The following TMEM135 variants were observed in gnomAD, a reference collection of about 807,000 sequenced individuals.
The protein encoded by TMEM135 is transmembrane protein 135.
Under a neutral mutation model 60.3 loss-of-function variants are expected in TMEM135, and 30 were observed. That is an observed-to-expected ratio of 0.50 (90% confidence interval 0.37 to 0.68). TMEM135 has a LOEUF of 0.68. Among genes scored for constraint, TMEM135 ranks in the 30% least tolerant of loss-of-function variants. The pLI is 0.00. For missense variants in TMEM135, 468 were observed against 548.8 expected (o/e 0.85, Z 1.47); for synonymous variants, 190 against 186.7 (o/e 1.02, Z -0.14).
At chr11:87,084,319 T>G (rs1046224506) in intron 3 of TMEM135, among the ~76,000 whole-genome samples, 15 of 152,280 alleles carry the variant, frequency 9.9e-5, no homozygotes, top group African/African-American at 3.4e-4. Flanking sequence ...GGTTCTTTTT[T>G]TTTTTTTGAG....
At chr11:87,041,884 C>A (rs1371030779) in intron 1 of TMEM135, among the ~76,000 whole-genome samples, 2 of 152,178 alleles carry the variant, frequency 1.3e-5, no homozygotes, top group African/African-American at 4.8e-5. Flanking sequence ...GATATTGGGG[C>A]AGTATGAGGA....
intron 4 of TMEM135, among the ~76,000 whole-genome samples, chr11:87,144,140 T>TA (rs5793241): frequency 6.6e-5 from 10 of 151,804 alleles, no homozygotes; most frequent in Non-Finnish European, 1.2e-4. Context: ...TAGTATAAAA[T>TA]AAAAAAAACT....
intron 5 of TMEM135, among the ~76,000 whole-genome samples, chr11:87,222,789 G>T (rs981866968): frequency 1.3e-5 from 2 of 151,240 alleles, no homozygotes; most frequent in African/African-American, 2.4e-5. Flanking sequence ...TGGGCAATAA[G>T]AGCGAAACTG....
At chr11:87,277,218 A>G in intron 6 of TMEM135, 2 of 335,930 alleles carry the variant, frequency 6.0e-6, no homozygotes, top group Non-Finnish European at 1.2e-5. Flanking sequence ...TACAACCTGC[A>G]CCTCCCGGGT....
intron 5 of TMEM135, among the ~76,000 whole-genome samples, chr11:87,221,524 G>C (rs1282181240): frequency 6.6e-6 from 1 of 152,170 alleles, no homozygotes; most frequent in African/African-American, 2.4e-5. Flanking sequence ...CCTGTAGACA[G>C]ACACTGATTG....
chr11:87,051,032 T>A (rs1283005056), intron 1 of TMEM135, among the ~76,000 whole-genome samples: 2 of 95,622 alleles, frequency 2.1e-5, no homozygotes. Context: ...AATAAATGTA[T>A]TCCAGCATAT....
At chr11:87,200,785 G>A (rs144680330) in intron 5 of TMEM135, among the ~76,000 whole-genome samples, 176 of 152,146 alleles carry the variant, frequency 1.2e-3, no homozygotes, top group African/African-American at 4.0e-3. Flanking sequence ...CCTTCCCTCT[G>A]CCCAAACCCC....
At chr11:87,114,595 A>G (rs1016352643) in intron 4 of TMEM135, among the ~76,000 whole-genome samples, 1 of 152,204 alleles carries the variant, frequency 6.6e-6, no homozygotes, top group African/African-American at 2.4e-5. Flanking sequence ...CTGATGTTCA[A>G]TTATATGAAT....
At chr11:87,291,279 C>T (rs532979727) in intron 6 of TMEM135, among the ~76,000 whole-genome samples, 1 of 152,182 alleles carries the variant, frequency 6.6e-6, no homozygotes, top group East Asian at 1.9e-4. Flanking sequence ...CTTAGTATTC[C>T]CTACTTTAAT....
chr11:87,145,045 CAAAAG>C (rs1318907985), intron 4 of TMEM135, among the ~76,000 whole-genome samples: 7 of 151,992 alleles, frequency 4.6e-5, no homozygotes. Context: ...CAATAGTACT[CAAAAG>C]AAGAAAAATA....
intron 4 of TMEM135, among the ~76,000 whole-genome samples, chr11:87,138,424 A>T (rs1462807019): frequency 1.3e-5 from 2 of 152,152 alleles, no homozygotes; most frequent in Non-Finnish European, 2.9e-5. Flanking sequence ...AAAGCTAATG[A>T]ATTATTTTTT....
At chr11:87,150,215 C>CA (rs200067307) in intron 4 of TMEM135, among the ~76,000 whole-genome samples, 10,895 of 109,458 alleles carry the variant, frequency 0.1, 560 homozygotes, top group East Asian at 0.17. Flanking sequence ...AACTCTGTCT[C>CA]AAAAAAAAAA....
chr11:87,056,295 C>A (rs991407509), intron 1 of TMEM135, among the ~76,000 whole-genome samples: 23 of 152,308 alleles, frequency 1.5e-4, no homozygotes, highest in Middle Eastern at 6.8e-3. Context: ...CAGCAGGTCT[C>A]AGCCTCATTT....
At chr11:87,208,502 A>C (rs1282209821) in intron 5 of TMEM135, among the ~76,000 whole-genome samples, 1 of 149,738 alleles carries the variant, frequency 6.7e-6, no homozygotes, top group African/African-American at 2.4e-5. Flanking sequence ...GCACGCATGC[A>C]GATAAAAATA....
chr11:87,219,591 C>G (rs1940574805), intron 5 of TMEM135, among the ~76,000 whole-genome samples: 1 of 152,118 alleles, frequency 6.6e-6, no homozygotes, highest in East Asian at 1.9e-4. Flanking sequence ...AGACACCAAT[C>G]TTACTGGATT....
chr11:87,252,181 G>A (rs1239256324), intron 6 of TMEM135, among the ~76,000 whole-genome samples: 1 of 152,038 alleles, frequency 6.6e-6, no homozygotes, highest in African/African-American at 2.4e-5. Flanking sequence ...ACTAGACTCT[G>A]GGAAAGTTTA....
At chr11:87,089,907 T>C (rs1429923229) in intron 3 of TMEM135, among the ~76,000 whole-genome samples, 1 of 152,180 alleles carries the variant, frequency 6.6e-6, no homozygotes, top group African/African-American at 2.4e-5. Flanking sequence ...TTACAAGTGA[T>C]TTTATTATTA....
At chr11:87,131,775 C>T (rs535322558) in intron 4 of TMEM135, among the ~76,000 whole-genome samples, 10 of 152,162 alleles carry the variant, frequency 6.6e-5, no homozygotes, top group African/African-American at 9.6e-5. Context: ...AATACTGGTC[C>T]GTGGCCTGTT....
At chr11:87,172,434 T>A (rs886381462) in intron 5 of TMEM135, among the ~76,000 whole-genome samples, 2 of 151,920 alleles carry the variant, frequency 1.3e-5, no homozygotes, top group Non-Finnish European at 2.9e-5. Context: ...TTTTTTTTTT[T>A]ACCTACTTTT....
Sources: allele counts gnomAD v4.1 joint callset (sites outside exome capture counted in the v4.1 genomes callset), GRCh38; gene constraint gnomAD v4.1.1; transcripts MANE v1.5; gene names NCBI Gene and HGNC (gene_info 2026-07-23, HGNC 2026-07-21).